LIPA: variants seen among roughly 807,000 people sequenced by gnomAD.
LIPA encodes lipase A, lysosomal acid type.
LIPA carries 26 observed loss-of-function variants against 40.6 expected under a neutral mutation model. That is an observed-to-expected ratio of 0.64 (90% CI 0.47 to 0.89). The LOEUF (loss-of-function observed/expected upper bound fraction) is 0.89, where lower values mean the gene tolerates loss of function less well. Among genes scored for constraint, LIPA ranks in the 40% least tolerant of loss-of-function variants. The pLI is 0.00. For missense variants in LIPA, 455 were observed against 479.6 expected, an observed-to-expected ratio of 0.95 and a Z score of 0.48; for synonymous variants, 188 against 168.4, an observed-to-expected ratio of 1.12 and a Z score of -0.90.
upstream of LIPA, among the ~76,000 whole-genome samples, chr10:89,346,466 T>A (rs1589617666): frequency 6.6e-6 from 1 of 152,234 alleles, no homozygotes; most frequent in East Asian, 1.9e-4. Flanking sequence ...CAAGCTCTGC[T>A]CAACTAGAGT....
chr10:89,228,570 A>G (rs534767358), intron 3 of LIPA, among the ~76,000 whole-genome samples, 172 bp from the exon 4 acceptor site: 7 of 152,240 alleles, frequency 4.6e-5, no homozygotes, highest in African/African-American at 1.7e-4. Context: ...GAATTTTTTT[A>G]AAACAGCACT....
Position 89,384,377 on chromosome 10 carries a change from A to G in LIPA, c.61+28414T>C, listed in dbSNP as rs769259646. 6.8e-6 allele frequency: 11 copies of G among 1,614,188 alleles called. No individual in the cohort carries two copies. In the South Asian group the frequency reaches 1.2e-4, roughly 18 times the overall value. ...GCTGAAACGTATGCAGAAATAGGCC[A>G]CCACAGAAAGGCTGAGGAACATTTT... On this transcript the variant is annotated intron_variant, in intron 2 of 8. Coordinates refer to the LIPA transcript ENST00000371837.
chr10:89,330,506 T>C (rs1413143314), intron 1 of LIPA, among the ~76,000 whole-genome samples: 1 of 152,228 alleles, frequency 6.6e-6, no homozygotes, highest in African/African-American at 2.4e-5. Flanking sequence ...GGCCAGCCTT[T>C]GATGGTTACC....
At chr10:89,348,013 T>TGCTTTC (rs1241433508) in intron 2 of LIPA, among the ~76,000 whole-genome samples, 1 of 152,206 alleles carries the variant, frequency 6.6e-6, no homozygotes, top group Non-Finnish European at 1.5e-5. Flanking sequence ...CTGAAGTCCT[T>TGCTTTC]GCTTTCAGAG....
chr10:89,222,418 C>A (rs1412225349), intron 8 of LIPA, 93 bp downstream of exon 8: 4 of 820,086 alleles, frequency 4.9e-6, no homozygotes, highest in African/African-American at 1.7e-5. Flanking sequence ...GATTTGTAAG[C>A]AGGTTGTCTT....
At chr10:89,296,201 A>G (rs1427069690) in intron 1 of LIPA, among the ~76,000 whole-genome samples, 1 of 152,108 alleles carries the variant, frequency 6.6e-6, no homozygotes, top group Admixed American at 6.5e-5. Flanking sequence ...AGAACTTGTA[A>G]ATAGAAGCCA....
At chr10:89,251,447 C>G (rs1037756271) in intron 1 of LIPA, among the ~76,000 whole-genome samples, 1 of 152,212 alleles carries the variant, frequency 6.6e-6, no homozygotes, top group Non-Finnish European at 1.5e-5. Flanking sequence ...CACTGGGCAG[C>G]TTCACTGACC....
intron 2 of LIPA, chr10:89,403,621 T>A: frequency 6.2e-7 from 1 of 1,614,074 alleles, no homozygotes; most frequent in East Asian, 2.2e-5. Context: ...GTCTACAAAT[T>A]GGAAGGAAAT....
rs988140061 is a variant in LIPA, at chr10:89,411,795, C to T, written c.61+996G>A. ...GTCAGGGATAGCACGAGATGCCACC[C>T]GGTGTTTACAGGAAAAGGCTTCTGA... is the stretch of plus-strand genomic sequence containing the variant. On this transcript the variant is annotated intron_variant, in intron 2 of 8. Coordinates refer to the LIPA transcript ENST00000371837. 6.6e-5 allele frequency among the ~76,000 whole-genome samples: 10 copies of T among 152,262 alleles called. No homozygotes were observed. In the South Asian group the frequency reaches 8.3e-4, roughly 13 times the overall value.
At chr10:89,361,875 CTTTTTTTTTTTTTTTTTTT>C (rs59818683) in intron 2 of LIPA, among the ~76,000 whole-genome samples, 18 of 40,436 alleles carry the variant, frequency 4.5e-4, no homozygotes, top group East Asian at 3.2e-3. Context: ...CTCCACCTGC[CTTTTTTTTTTTTTTTTTTT>C]TTTTTTTTTT....
At position 89,214,555 on chromosome 10, in the gene LIPA, CT is replaced by C; in HGVS notation, c.*272del. 1 of 351,370 alleles carries C rather than the reference CT, an allele frequency of 2.8e-6. No homozygotes were observed. The highest frequency in any genetic ancestry group is 5.3e-6 in the Non-Finnish European group (1 of 190,148). The allele number at this position is 351,370 out of a possible 1,614,324, so 21.8% of individuals were successfully genotyped here. ...TTAAAAACAGAATGGATATAATGAC[CT>C]TTTTACACATCAGTGATATTTAAAA... On this transcript the variant is annotated 3_prime_UTR_variant, in exon 10 of 10. Coordinates refer to ENST00000336233, the MANE Select transcript of LIPA (RefSeq NM_000235.4).
intron 8 of LIPA, among the ~76,000 whole-genome samples, chr10:89,222,103 C>G (rs2133423856): frequency 6.6e-6 from 1 of 152,176 alleles, no homozygotes; most frequent in Admixed American, 6.5e-5. Flanking sequence ...ACAGCGGTTT[C>G]TATCTCCAAA....
chr10:89,380,692 C>CA (rs1427998716), intron 2 of LIPA, among the ~76,000 whole-genome samples: 2 of 152,176 alleles, frequency 1.3e-5, no homozygotes, highest in Non-Finnish European at 2.9e-5. Context: ...CTTGGACTCT[C>CA]AAAGTGTTGG....
intron 2 of LIPA, among the ~76,000 whole-genome samples, chr10:89,411,112 G>C (rs1472746953): frequency 6.6e-6 from 1 of 152,222 alleles, no homozygotes; most frequent in African/African-American, 2.4e-5. Context: ...CAAGGGCGTA[G>C]CCTGAAAGCA....
At chr10:89,282,327 C>A (rs554677755) in intron 1 of LIPA, among the ~76,000 whole-genome samples, 4 of 152,156 alleles carry the variant, frequency 2.6e-5, no homozygotes, top group Non-Finnish European at 5.9e-5. Context: ...AAAACTCATT[C>A]TGAACAGCAA....
intron 8 of LIPA, among the ~76,000 whole-genome samples, chr10:89,220,905 G>A (rs528635771): frequency 1.1e-4 from 16 of 152,144 alleles, no homozygotes; most frequent in Non-Finnish European, 2.2e-4. Flanking sequence ...ATGAACTACT[G>A]ACATACACAA....
At chr10:89,227,812 C>G (rs149732822) in intron 4 of LIPA, among the ~76,000 whole-genome samples, 1 of 151,970 alleles carries the variant, frequency 6.6e-6, no homozygotes, top group Admixed American at 6.6e-5. Context: ...CAATGTCATA[C>G]AGCAATTAAC....
intron 1 of LIPA, among the ~76,000 whole-genome samples, chr10:89,281,508 T>G (rs1225047950): frequency 2.6e-5 from 4 of 152,216 alleles, no homozygotes; most frequent in South Asian, 2.1e-4. Context: ...CTGCAAAATT[T>G]ATCTTTAACT....
At chr10:89,350,197 C>T (rs1299750772) in intron 2 of LIPA, among the ~76,000 whole-genome samples, 2 of 152,038 alleles carry the variant, frequency 1.3e-5, no homozygotes, top group African/African-American at 4.8e-5. Flanking sequence ...ACTGAGTTCT[C>T]TGGTGTGAAG....
Sources: allele counts gnomAD v4.1 joint callset (sites outside exome capture counted in the v4.1 genomes callset), GRCh38; gene constraint gnomAD v4.1.1; transcripts MANE v1.5; gene names NCBI Gene and HGNC (gene_info 2026-07-23, HGNC 2026-07-21).